CNBD1: variants seen among roughly 807,000 people sequenced by gnomAD.
CNBD1 encodes cyclic nucleotide binding domain containing 1.
Under a neutral mutation model 54.4 loss-of-function variants are expected in CNBD1, and 71 were observed. The ratio of observed to expected loss-of-function variants is 1.30; its 90% confidence interval spans 1.08 to 1.59. CNBD1 has a LOEUF of 1.59. Among genes scored for constraint, CNBD1 ranks in the 40% most tolerant of loss-of-function variants. The pLI, the probability that CNBD1 is intolerant of heterozygous loss-of-function variation, is 0.00. For missense variants in CNBD1, 659 were observed against 518.0 expected (o/e 1.27, Z -2.64); for synonymous variants, 182 against 170.7 (o/e 1.07, Z -0.51).
At chr8:87,321,267 A>C (rs1357378976) in intron 8 of CNBD1, among the ~76,000 whole-genome samples, 1 of 152,188 alleles carries the variant, frequency 6.6e-6, no homozygotes, top group Non-Finnish European at 1.5e-5. Context: ...GTTTTCCATA[A>C]TAGCTGCAAC....
At chr8:87,058,885 G>A (rs1346254882) in intron 4 of CNBD1, among the ~76,000 whole-genome samples, 1 of 152,126 alleles carries the variant, frequency 6.6e-6, no homozygotes, top group African/African-American at 2.4e-5. Flanking sequence ...TATGCAGCAG[G>A]CTTGAATTTC....
chr8:87,033,217 A>G (rs1172234664), intron 4 of CNBD1, among the ~76,000 whole-genome samples: 4 of 152,186 alleles, frequency 2.6e-5, no homozygotes, highest in African/African-American at 9.7e-5. Context: ...TTTCTTACGC[A>G]GAGTACCATG....
At chr8:87,251,730 A>G (rs948953141) in intron 6 of CNBD1, among the ~76,000 whole-genome samples, 4 of 151,988 alleles carry the variant, frequency 2.6e-5, no homozygotes, top group Non-Finnish European at 5.9e-5. Flanking sequence ...CTATTTTTCT[A>G]ATTGTATTCT....
intron 8 of CNBD1, among the ~76,000 whole-genome samples, chr8:87,345,993 G>A (rs746914131): frequency 1.3e-5 from 2 of 151,956 alleles, no homozygotes; most frequent in Admixed American, 6.6e-5. Flanking sequence ...CAGTTTCATG[G>A]CCCTGATTAT....
intron 10 of CNBD1, among the ~76,000 whole-genome samples, chr8:87,368,227 A>G (rs1460334956): frequency 6.6e-6 from 1 of 151,678 alleles, no homozygotes; most frequent in Non-Finnish European, 1.5e-5. Flanking sequence ...GTGATTTGGG[A>G]AGTAGCCTAA....
chr8:87,358,543 C>T (rs929002865), intron 10 of CNBD1, among the ~76,000 whole-genome samples: 1 of 150,676 alleles, frequency 6.6e-6, no homozygotes, highest in South Asian at 2.1e-4. Flanking sequence ...ACATTTCACA[C>T]GTTGTATTAT....
At chr8:87,369,921 C>T (rs1254027360) in intron 10 of CNBD1, among the ~76,000 whole-genome samples, 2 of 151,910 alleles carry the variant, frequency 1.3e-5, no homozygotes, top group Non-Finnish European at 2.9e-5. Flanking sequence ...TGTTCCCCTT[C>T]CTGTGTCCAT....
chr8:87,253,911 C>T (rs909955225), intron 6 of CNBD1, among the ~76,000 whole-genome samples: 6 of 152,014 alleles, frequency 3.9e-5, no homozygotes, highest in African/African-American at 7.2e-5. Context: ...AAAATCAACA[C>T]GTATAGGATG....
At chr8:87,160,753 C>A (rs1812840652) in intron 4 of CNBD1, among the ~76,000 whole-genome samples, 2 of 152,096 alleles carry the variant, frequency 1.3e-5, no homozygotes, top group South Asian at 2.1e-4. Flanking sequence ...GTACATGAAA[C>A]TTCATTTATA....
chr8:87,047,965 G>C (rs1352122915), intron 4 of CNBD1, among the ~76,000 whole-genome samples: 1 of 152,182 alleles, frequency 6.6e-6, no homozygotes, highest in East Asian at 1.9e-4. Flanking sequence ...AGTGTAAGGT[G>C]CCTGACTTCT....
intron 4 of CNBD1, among the ~76,000 whole-genome samples, chr8:86,972,906 T>C (rs1808257271): frequency 6.6e-6 from 1 of 152,162 alleles, no homozygotes; most frequent in African/African-American, 2.4e-5. Context: ...GACCCATATT[T>C]TCCGTTGTAC....
At chr8:87,232,176 C>G (rs1240117557) in intron 5 of CNBD1, among the ~76,000 whole-genome samples, 1 of 152,082 alleles carries the variant, frequency 6.6e-6, no homozygotes, top group African/African-American at 2.4e-5. Flanking sequence ...ACATTTTCTT[C>G]CAGAGGGACA....
intron 1 of CNBD1, among the ~76,000 whole-genome samples, chr8:86,884,161 C>A (rs1217136970): frequency 6.7e-6 from 1 of 148,352 alleles, no homozygotes; most frequent in Admixed American, 6.7e-5. Context: ...CAAAACAAAA[C>A]AAAACAAAAC....
intron 2 of CNBD1, among the ~76,000 whole-genome samples, chr8:87,406,042 G>T (rs1028035322): frequency 1.3e-5 from 2 of 151,976 alleles, no homozygotes; most frequent in East Asian, 3.9e-4. Context: ...AGCAGAGCTT[G>T]TTCTTAAATA....
chr8:87,075,371 G>A (rs1180260289), intron 4 of CNBD1, among the ~76,000 whole-genome samples: 1 of 152,036 alleles, frequency 6.6e-6, no homozygotes, highest in Admixed American at 6.6e-5. Context: ...TGGTCTTAAA[G>A]CTCAAAACTT....
At position 87,333,912 on chromosome 8, in the gene CNBD1, T is replaced by C. The variant is rs1809887896; in HGVS notation, c.1043-17773T>C. Among the ~76,000 whole-genome samples, 5 of 152,216 alleles carry C rather than the reference T, an allele frequency of 3.3e-5. No individual in the cohort carries two copies. The South Asian group carries it at 1.0e-3, about 31-fold the overall frequency. On this transcript the variant is annotated intron_variant, in intron 8 of 10. Coordinates refer to ENST00000518476, the MANE Select transcript of CNBD1 (RefSeq NM_173538.3). ...TGAGTTAGGGAGGAGTCCCTCCTTT[T>C]CAATAGTTTGAAATAGTTCCTGAAA...
chr8:87,419,106 T>C (rs973231573), intron 2 of CNBD1, among the ~76,000 whole-genome samples: 1 of 93,702 alleles, frequency 1.1e-5, no homozygotes, highest in Non-Finnish European at 2.1e-5. Flanking sequence ...TATGTATATA[T>C]ATATTCATTC....
chr8:87,379,373 A>T (rs915176599), intron 10 of CNBD1, among the ~76,000 whole-genome samples: 2 of 151,916 alleles, frequency 1.3e-5, no homozygotes, highest in Admixed American at 6.6e-5. Flanking sequence ...GCTCTGCACC[A>T]AGCGGACCTA....
chr8:87,421,132 C>G (rs1458223959), intron 2 of CNBD1, among the ~76,000 whole-genome samples: 1 of 152,040 alleles, frequency 6.6e-6, no homozygotes, highest in East Asian at 1.9e-4. Context: ...TTGATTCCAA[C>G]AGTGTACTGG....
Sources: gnomAD v4.1 joint callset for allele counts (sites outside exome capture counted in the v4.1 genomes callset) on GRCh38, gnomAD v4.1.1 for gene constraint, MANE v1.5 for transcripts, NCBI Gene and HGNC (gene_info 2026-07-23, HGNC 2026-07-21) for gene names.